Variants in DZIP1 observed in about 807,000 individuals in gnomAD.
DZIP1 encodes cilium assembly protein DZIP1.
Under a neutral mutation model 107.6 loss-of-function variants are expected in DZIP1, and 97 were observed. That is an observed-to-expected ratio of 0.90 (90% CI 0.77 to 1.07). The LOEUF (loss-of-function observed/expected upper bound fraction) is 1.07, where lower values mean the gene tolerates loss of function less well. Ranked by LOEUF, DZIP1 falls within the 50% of genes least tolerant of loss-of-function variation. The probability of loss-of-function intolerance (pLI) is 0.00; values close to 1 mark genes in which losing one functional copy is unlikely to be tolerated. For missense variants in DZIP1, 1,035 were observed against 1,063.6 expected (o/e 0.97, Z 0.37); for synonymous variants, 390 against 386.4 (o/e 1.01, Z -0.11).
intron 10 of DZIP1, among the ~76,000 whole-genome samples, chr13:95,616,973 C>T (rs1228877515): frequency 6.6e-6 from 1 of 151,940 alleles, no homozygotes; most frequent in Non-Finnish European, 1.5e-5. Context: ...TTTGGGAGGC[C>T]GAGGCGGGTA....
At chr13:95,601,904 C>T (rs576528532) in intron 14 of DZIP1, among the ~76,000 whole-genome samples, 1 of 152,322 alleles carries the variant, frequency 6.6e-6, no homozygotes, top group Non-Finnish European at 1.5e-5. Flanking sequence ...GGTCTGTCCA[C>T]TCTTTCTCCA....
Position 95,629,981 on chromosome 13 carries a change from C to T in DZIP1, c.810+8G>A, listed in dbSNP as rs371040629. The T allele has an allele frequency of 1.9e-6, 3 of 1,595,972 alleles. No individual in the cohort carries two copies. Among genetic ancestry groups the T allele is most frequent in the Non-Finnish European group, 2.6e-6 (3 of 1,173,452 alleles). On this transcript the variant is annotated splice_region_variant and intron_variant, in intron 7 of 22. Coordinates refer to ENST00000376829, the MANE Select transcript of DZIP1 (RefSeq NM_198968.4). ...GTAATTAAAATACCACAGAATTCTGCCTGGTACCTTGGAGAATCTGACTGC... is the reference window on the plus strand; with the variant it reads ...GTAATTAAAATACCACAGAATTCTGTCTGGTACCTTGGAGAATCTGACTGC...
intron 6 of DZIP1, among the ~76,000 whole-genome samples, chr13:95,631,319 T>C (rs2139374483): frequency 6.6e-6 from 1 of 151,900 alleles, no homozygotes; most frequent in Non-Finnish European, 1.5e-5. Flanking sequence ...ATACAAAAAC[T>C]AGCCAGGTGT....
chr13:95,633,990 C>A (rs1356472328), intron 5 of DZIP1, among the ~76,000 whole-genome samples: 4 of 152,150 alleles, frequency 2.6e-5, no homozygotes, highest in Non-Finnish European at 4.4e-5. Flanking sequence ...GAAGACAAGG[C>A]AGTGAAAACT....
chr13:95,634,190 TATCCAG>T (rs1247614873), intron 5 of DZIP1, among the ~76,000 whole-genome samples: 1 of 152,210 alleles, frequency 6.6e-6, no homozygotes, highest in Admixed American at 6.5e-5. Context: ...TGCCTGATCT[TATCCAG>T]ACCCTCCTCC....
intron 16 of DZIP1, among the ~76,000 whole-genome samples, chr13:95,591,698 C>A (rs772306216): frequency 8.5e-5 from 13 of 152,218 alleles, no homozygotes; most frequent in Non-Finnish European, 5.9e-5. Context: ...TCTGGGAAAT[C>A]ATTTGTTTCA....
intron 14 of DZIP1, among the ~76,000 whole-genome samples, chr13:95,600,664 A>G (rs1266650458): frequency 6.9e-6 from 1 of 144,644 alleles, no homozygotes; most frequent in East Asian, 2.0e-4. Context: ...TTAGGTATAT[A>G]TAAATAGGTT....
intron 3 of DZIP1, 56 bp from the exon 4 acceptor site, chr13:95,642,297 C>T (rs964023181): frequency 2.4e-6 from 1 of 408,904 alleles, no homozygotes; most frequent in Non-Finnish European, 4.3e-6. Flanking sequence ...GCCGTTCACC[C>T]GAAGAGGGTA....
chr13:95,619,950 A>G lies in DZIP1; in HGVS notation c.1111-3T>C, dbSNP rs1193778401. The G allele has an allele frequency of 1.2e-6, 2 of 1,613,438 alleles. No individual in the cohort carries two copies. The highest frequency in any genetic ancestry group is 1.7e-6 in the Non-Finnish European group (2 of 1,179,814). ...ACTCGAGCTGTCCATTTGCTTTCCTACAAAAGAATAAAAGAATAATTTATG... is the reference window on the plus strand; with the variant it reads ...ACTCGAGCTGTCCATTTGCTTTCCTGCAAAAGAATAAAAGAATAATTTATG... On this transcript the variant is annotated splice_polypyrimidine_tract_variant and splice_region_variant and intron_variant, in intron 9 of 22. Transcript: ENST00000376829.
chr13:95,604,982 T>C (rs1214307403), intron 14 of DZIP1, among the ~76,000 whole-genome samples: 1 of 152,202 alleles, frequency 6.6e-6, no homozygotes. Context: ...TGAACACTTG[T>C]AAATAAGAAG....
intron 5 of DZIP1, among the ~76,000 whole-genome samples, chr13:95,636,321 T>C (rs1293440371): frequency 6.6e-6 from 1 of 151,534 alleles, no homozygotes. Flanking sequence ...GGTGGGTGGA[T>C]CACCTGAGGT....
intron 7 of DZIP1, among the ~76,000 whole-genome samples, chr13:95,626,851 T>C (rs1876603806): frequency 6.6e-6 from 1 of 152,164 alleles, no homozygotes; most frequent in Non-Finnish European, 1.5e-5. Context: ...AAAATTTTTG[T>C]TGTAAAAATT....
At chr13:95,603,594 T>A (rs1392744857) in intron 14 of DZIP1, among the ~76,000 whole-genome samples, 1 of 152,192 alleles carries the variant, frequency 6.6e-6, no homozygotes, top group Admixed American at 6.5e-5. Context: ...AAGTATACTT[T>A]ATTTTCTGGG....
At chr13:95,587,856 T>G in intron 19 of DZIP1, 127 bp from the exon 20 acceptor site, 1 of 1,210,978 alleles carries the variant, frequency 8.3e-7, no homozygotes, top group Middle Eastern at 2.8e-4. Context: ...ACAAGTGCCT[T>G]TGGGGCTATG....
chr13:95,625,907 G>A (rs775692257), intron 7 of DZIP1, among the ~76,000 whole-genome samples: 1 of 151,896 alleles, frequency 6.6e-6, no homozygotes, highest in Non-Finnish European at 1.5e-5. Flanking sequence ...ACGATCACTT[G>A]ATCTCAGGAG....
intron 14 of DZIP1, among the ~76,000 whole-genome samples, chr13:95,600,553 TAG>T (rs943275967): frequency 4.0e-5 from 6 of 149,840 alleles, no homozygotes; most frequent in African/African-American, 1.5e-4. Flanking sequence ...AGACAAATGA[TAG>T]AGAGAGAGAG....
chr13:95,587,806 T>C, intron 19 of DZIP1, 77 bp from the exon 20 acceptor site: 1 of 1,461,404 alleles, frequency 6.8e-7, no homozygotes, highest in South Asian at 1.4e-5. Flanking sequence ...GATGTGCCTC[T>C]TAAAGTGGTG....
chr13:95,640,999 T>G (rs1467849505), intron 5 of DZIP1, among the ~76,000 whole-genome samples: 1 of 152,204 alleles, frequency 6.6e-6, no homozygotes, highest in East Asian at 1.9e-4. Context: ...ATATGGTTTT[T>G]TCATGTTGAG....
At chr13:95,626,840 G>A (rs1876603049) in intron 7 of DZIP1, among the ~76,000 whole-genome samples, 1 of 152,142 alleles carries the variant, frequency 6.6e-6, no homozygotes, top group South Asian at 2.1e-4. Flanking sequence ...CTTGTACACT[G>A]AAAATTTTTG....
Sources: gnomAD v4.1 joint callset for allele counts (sites outside exome capture counted in the v4.1 genomes callset) on GRCh38, gnomAD v4.1.1 for gene constraint, MANE v1.5 for transcripts, NCBI Gene and HGNC (gene_info 2026-07-23, HGNC 2026-07-21) for gene names.